MRC2: variants seen among roughly 807,000 people sequenced by gnomAD.
MRC2 encodes C-type mannose receptor 2.
Under a neutral mutation model 206.2 loss-of-function variants are expected in MRC2, and 84 were observed. The ratio of observed to expected loss-of-function variants is 0.41; its 90% CI spans 0.34 to 0.49. The LOEUF (loss-of-function observed/expected upper bound fraction) is 0.49. MRC2 is among the 20% of genes least tolerant of loss of function. The pLI is 0.31. For synonymous variants in MRC2, 798 were observed against 800.0 expected (o/e 1.00, Z 0.04); for missense variants, 1,676 against 2,001.5 (o/e 0.84, Z 3.10).
chr17:62,647,570 A>G lies in MRC2; in HGVS notation c.119-16978A>G, dbSNP rs2147445101. Among the ~76,000 whole-genome samples, 4 of 152,284 alleles carry G rather than the reference A, an allele frequency of 2.6e-5. No homozygotes were observed. In the South Asian group the frequency reaches 8.3e-4, roughly 32 times the overall value. ...TATACATTTCTGTTGTGTGCATAGT[A>G]TTCCATTAGACGAATATATTTCCAT... is the stretch of plus-strand genomic sequence containing the variant. On this transcript the variant is annotated intron_variant, in intron 1 of 29. Coordinates refer to ENST00000303375, the MANE Select transcript of MRC2 (RefSeq NM_006039.5).
chr17:62,686,678 G>A (rs2089036678), intron 20 of MRC2, among the ~76,000 whole-genome samples: 1 of 152,194 alleles, frequency 6.6e-6, no homozygotes, highest in Admixed American at 6.5e-5. Context: ...ACATGGCAGG[G>A]ATGCCCTCAG....
In MRC2 at chr17:62,676,518, C is replaced by A. The variant is rs1377731276; in HGVS notation, c.1821C>A (p.Asn607Lys). The A allele has an allele frequency of 1.3e-6, 2 of 1,594,408 alleles. No individual in the cohort carries two copies. Among genetic ancestry groups the A allele is most frequent in the Non-Finnish European group, 1.7e-6 (2 of 1,170,302 alleles). Reference sequence around the variant, plus strand: ...ATGAAGTCATGTACACCCACTGGAACCGGGACCAGCCCGGTGAGCCCCTTA... The same window carrying A: ...ATGAAGTCATGTACACCCACTGGAAACGGGACCAGCCCGGTGAGCCCCTTA... The part of the protein sequence containing the change: ...SGDEVMYTHW[N>K]RDQPGYSRGG... Residue 607 changes from asparagine (N) to lysine (K), a missense_variant, in exon 11 of 30, where the codon AAC becomes AAA. Physicochemically the swap from Asn to Lys is moderately conservative, Grantham distance 94. This residue lies in a region of MRC2 where 1,354 missense variants were observed against 1,636.6 expected (regional missense o/e 0.83). Transcript: ENST00000303375.
intron 1 of MRC2, among the ~76,000 whole-genome samples, chr17:62,643,797 GATGAA>G (rs966583214): frequency 2.6e-5 from 4 of 152,132 alleles, no homozygotes; most frequent in African/African-American, 9.7e-5. Flanking sequence ...GCTAGGAAAT[GATGAA>G]ATGAAACGTG....
intron 1 of MRC2, among the ~76,000 whole-genome samples, chr17:62,639,827 G>T (rs929963034): frequency 6.6e-6 from 1 of 151,908 alleles, no homozygotes; most frequent in African/African-American, 2.4e-5. Context: ...GATTATTTAC[G>T]TAACTTTAAG....
In MRC2 at chr17:62,690,285, CGCGACA is replaced by C; in HGVS notation, c.3876_3881del (p.Gln1293_Arg1294del). ...GAGCTGCTGCTGGGCCACAAGGAGGCGCGACAGCGCTGCCAGAGAGGTGGGTGACCA... is the reference window on the plus strand; with the variant it reads ...GAGCTGCTGCTGGGCCACAAGGAGGCGCGCTGCCAGAGAGGTGGGTGACCA... On this transcript the variant is annotated inframe_deletion, in exon 26 of 30. Coordinates refer to ENST00000303375, the MANE Select transcript of MRC2 (RefSeq NM_006039.5). The C allele has an allele frequency of 1.9e-6, 3 of 1,611,560 alleles. No homozygotes were observed. The highest frequency in any genetic ancestry group is 2.5e-6 in the Non-Finnish European group (3 of 1,178,660).
chr17:62,654,097 T>C (rs565666035), intron 1 of MRC2, among the ~76,000 whole-genome samples: 2 of 152,102 alleles, frequency 1.3e-5, no homozygotes, highest in East Asian at 3.9e-4. Flanking sequence ...CTGGCGGCCC[T>C]TTCAGGCGGC....
chr17:62,670,239 G>A (rs1451672833), intron 6 of MRC2, among the ~76,000 whole-genome samples: 1 of 152,218 alleles, frequency 6.6e-6, no homozygotes. Flanking sequence ...GCGCCCCGTC[G>A]TGTCCCCAAA....
intron 20 of MRC2, among the ~76,000 whole-genome samples, chr17:62,684,728 T>C (rs886119165): frequency 2.0e-5 from 3 of 152,228 alleles, no homozygotes; most frequent in African/African-American, 7.2e-5. Flanking sequence ...CACTTAGCCC[T>C]GTTGTGAAGA....
intron 1 of MRC2, among the ~76,000 whole-genome samples, chr17:62,644,075 A>C (rs769197394): frequency 1.3e-5 from 2 of 152,216 alleles, no homozygotes; most frequent in African/African-American, 2.4e-5. Flanking sequence ...TATCTACTAC[A>C]TAATATATTA....
At chr17:62,681,246 T>A (rs2088962958) in intron 18 of MRC2, 117 bp downstream of exon 18, 1 of 1,237,516 alleles carries the variant, frequency 8.1e-7, no homozygotes, top group African/African-American at 1.5e-5. Context: ...TGTGTGGCCT[T>A]GAGCAAGATA....
chr17:62,627,726 C>A lies in MRC2; in HGVS notation c.-77C>A, dbSNP rs929086873. 4 of 1,183,740 alleles carry A rather than the reference C, an allele frequency of 3.4e-6. No homozygotes were observed. Among genetic ancestry groups the A allele is most frequent in the Non-Finnish European group, 4.4e-6 (4 of 909,800 alleles). The allele number at this position is 1,183,740 out of a possible 1,614,324, so 73.3% of individuals were successfully genotyped here. A position where few individuals can be genotyped will look rare whatever the true frequency, so the allele number is the denominator to read the frequency against. On this transcript the variant is annotated 5_prime_UTR_variant, in exon 1 of 30. Coordinates refer to ENST00000303375, the MANE Select transcript of MRC2 (RefSeq NM_006039.5). ...AGCCCCTTGCGGGCGGTCATCACAG[C>A]CCAGCCTCGGGGCTGCCACAGCGCG... is the stretch of plus-strand genomic sequence containing the variant.
chr17:62,628,432 C>T (rs2084188392), intron 1 of MRC2, among the ~76,000 whole-genome samples: 1 of 152,124 alleles, frequency 6.6e-6, no homozygotes, highest in African/African-American at 2.4e-5. Flanking sequence ...ATCTCGTGGG[C>T]GTTGATATTT....
At chr17:62,669,201 G>C (rs1161774641) in intron 6 of MRC2, among the ~76,000 whole-genome samples, 1 of 151,798 alleles carries the variant, frequency 6.6e-6, no homozygotes, top group Non-Finnish European at 1.5e-5. Flanking sequence ...GCCAATGATC[G>C]ACTCAGGACT....
At chr17:62,663,362 A>T (rs2088703868) in intron 1 of MRC2, among the ~76,000 whole-genome samples, 1 of 152,110 alleles carries the variant, frequency 6.6e-6, no homozygotes, top group Admixed American at 6.6e-5. Context: ...TTACCCATTT[A>T]AAACATATAT....
rs78184372 is a variant in MRC2 at position 62,641,895 on chromosome 17, C to G, written c.118+13975C>G. 4.6e-3 allele frequency among the ~76,000 whole-genome samples: 688 copies of G among 150,068 alleles called. 3 individuals carry two copies. Among genetic ancestry groups the G allele is most frequent in the Middle Eastern group, 0.034 (10 of 294 alleles). ...TTGCCACATTTGCTTATCTCACTCT[C>G]TGTGTGTGTGTGTGTGTGTGTGTGG... On this transcript the variant is annotated intron_variant, in intron 1 of 29. Coordinates refer to ENST00000303375, the MANE Select transcript of MRC2 (RefSeq NM_006039.5).
intron 10 of MRC2, among the ~76,000 whole-genome samples, 172 bp from the exon 11 acceptor site, chr17:62,676,211 G>A (rs2088889693): frequency 6.6e-6 from 1 of 152,176 alleles, no homozygotes; most frequent in Non-Finnish European, 1.5e-5. Context: ...GAGAATAGAA[G>A]GGGCAGCTGG....
At position 62,692,516 on chromosome 17, in the gene MRC2, G is replaced by GC; in HGVS notation, c.*71dup. 2 of 1,459,772 alleles carry GC rather than the reference G, an allele frequency of 1.4e-6. No individual in the cohort carries two copies. Among genetic ancestry groups the GC allele is most frequent in the South Asian group, 1.3e-5 (1 of 78,412 alleles). 90.4% of individuals were successfully genotyped at this position (1,459,772 alleles called of 1,614,324 possible). A position where few individuals can be genotyped will look rare whatever the true frequency, so the allele number is the denominator to read the frequency against. The stretch of plus-strand genomic sequence containing the variant: ...GGAGCTGGGGCCCTGGGTCAGTCTG[G>GC]CCCCCCACCAGCTGCCTGTCCAGTT... On this transcript the variant is annotated 3_prime_UTR_variant, in exon 30 of 30. Coordinates refer to ENST00000303375, the MANE Select transcript of MRC2 (RefSeq NM_006039.5). The surrounding 1 kb of genome is among the most constrained non-coding windows in gnomAD (Gnocchi z 4.2).
Position 62,692,770 on chromosome 17 carries a change from C to T in MRC2, c.*319C>T. On this transcript the variant is annotated 3_prime_UTR_variant, in exon 30 of 30. Transcript: ENST00000303375. This position sits in a 1 kb window ranked among gnomAD's most constrained non-coding sequence, Gnocchi z 4.2. ...CGAGAGCCTCTTTCTCCCCAGAGCC[C>T]CCGGCCCAGGCCTGTTGATCCGCGC... 1 of 345,122 alleles carries T rather than the reference C, an allele frequency of 2.9e-6. No homozygotes were observed. Among genetic ancestry groups the T allele is most frequent in the Non-Finnish European group, 5.5e-6 (1 of 180,514 alleles). 21.4% of individuals were successfully genotyped at this position (345,122 alleles called of 1,614,324 possible).
intron 20 of MRC2, among the ~76,000 whole-genome samples, chr17:62,683,380 A>G (rs540247442): frequency 3.0e-4 from 46 of 151,696 alleles, no homozygotes; most frequent in Non-Finnish European, 6.2e-4. Flanking sequence ...AGGCAGGAGA[A>G]TTGCTTGAAT....
Sources: gnomAD v4.1 joint callset for allele counts (sites outside exome capture counted in the v4.1 genomes callset) on GRCh38, gnomAD v4.1.1 for gene constraint, gnomAD v4.1.1 regional missense constraint, Gnocchi (gnomAD v3.1) non-coding constraint, MANE v1.5 for transcripts, NCBI Gene and HGNC (gene_info 2026-07-23, HGNC 2026-07-21) for gene names.